Variants in CCDC141 observed in about 807,000 individuals in gnomAD.
CCDC141 encodes coiled-coil domain containing 141, also known as coiled-coil domain-containing protein 141.
CCDC141 carries 168 observed loss-of-function variants against 181.0 expected under a neutral mutation model. The observed-to-expected ratio is 0.93, with a 90% CI of 0.82 to 1.05. The LOEUF is 1.05. Among genes scored for constraint, CCDC141 ranks in the 50% least tolerant of loss-of-function variants. The pLI, the probability that CCDC141 is intolerant of heterozygous loss-of-function variation, is 0.00. For missense variants in CCDC141, 1,902 were observed against 1,788.5 expected, an observed-to-expected ratio of 1.06 and a Z score of -1.14; for synonymous variants, 666 against 642.3, an observed-to-expected ratio of 1.04 and a Z score of -0.56.
intron 2 of CCDC141, among the ~76,000 whole-genome samples, chr2:179,039,046 T>A (rs1458575814): frequency 6.6e-6 from 1 of 152,216 alleles, no homozygotes; most frequent in East Asian, 1.9e-4. Flanking sequence ...TTTACCTGGC[T>A]TAAATCTGCC....
At chr2:178,825,808 G>T (rs56988799), downstream of CCDC141, among the ~76,000 whole-genome samples, 23,981 of 152,046 alleles carry the variant, frequency 0.16, 3,614 homozygotes, top group East Asian at 0.71. Flanking sequence ...ACTTTTTCTT[G>T]AGTGCAGTTG....
At chr2:178,918,380 C>T (rs549125918) in intron 7 of CCDC141, among the ~76,000 whole-genome samples, 1 of 152,234 alleles carries the variant, frequency 6.6e-6, no homozygotes, top group Non-Finnish European at 1.5e-5. Context: ...TACACTCCAG[C>T]CAGGGTGACA....
intron 17 of CCDC141, among the ~76,000 whole-genome samples, chr2:178,859,374 C>A (rs1685508649): frequency 6.6e-6 from 1 of 152,132 alleles, no homozygotes; most frequent in Non-Finnish European, 1.5e-5. Flanking sequence ...TTTAAAGGAA[C>A]TGAGTGCCAT....
Position 178,918,776 on chromosome 2 carries a change from T to C in CCDC141, c.1029A>G (p.Gln343=), listed in dbSNP as rs778431634. ...ACCAGGTATTCCTTTCCACCATGAG[T>C]TGACCAAATTCTTCTTGAAGCTGAC... ...KLSQLQEEFG[Q]LMVERNTWLK... Residue 343 remains glutamine, a synonymous_variant, in exon 7 of 24, where the codon CAA becomes CAG. Coordinates refer to ENST00000443758, the MANE Select transcript of CCDC141 (RefSeq NM_173648.4). 25 of 1,550,446 alleles carry C rather than the reference T, an allele frequency of 1.6e-5. 1 individual carries two copies. Among genetic ancestry groups the C allele is most frequent in the South Asian group, 9.5e-5 (8 of 84,060 alleles).
chr2:178,869,333 C>G (rs1224181754), intron 14 of CCDC141, 28 bp from the exon 15 acceptor site: 7 of 1,543,722 alleles, frequency 4.5e-6, no homozygotes, highest in Non-Finnish European at 3.5e-6. Flanking sequence ...ATAAAAAAAT[C>G]TTGCTATTAA....
rs187796299 is a variant in CCDC141 at position 178,926,785 on chromosome 2, T to C, written c.898-7878A>G. 570 of 152,326 alleles carry C rather than the reference T, an allele frequency of 3.7e-3. 6 individuals are homozygous for C. The highest frequency in any genetic ancestry group is 0.013 in the African/African-American group (531 of 41,574). 9.4% of individuals were successfully genotyped at this position (152,326 alleles called of 1,614,324 possible). On this transcript the variant is annotated intron_variant, in intron 6 of 23. Transcript: ENST00000443758. ...TTTCAAATAGCTAGAAGAAAGGATA[T>C]TGGATGTTCCCAACACAGAGAAATG...
intron 5 of CCDC141, among the ~76,000 whole-genome samples, chr2:178,953,163 G>A (rs577085144): frequency 5.3e-5 from 8 of 152,318 alleles, no homozygotes; most frequent in Middle Eastern, 3.4e-3. Context: ...TCGGCTGGGC[G>A]TGGTGGCTCA....
rs149281824 is a variant in CCDC141, at chr2:179,009,093, G to A, written c.226-30418C>T. Among the ~76,000 whole-genome samples the A allele has an allele frequency of 3.2e-3, 483 of 152,222 alleles. 1 individual carries two copies. Among genetic ancestry groups the A allele is most frequent in the Non-Finnish European group, 5.1e-3 (346 of 68,004 alleles). Reference sequence around the variant, plus strand: ...ATGCTGTGCATGGGGTTGGTCCTGGGACCTTGATACATGCTTTTCCTGTTG... The same window carrying A: ...ATGCTGTGCATGGGGTTGGTCCTGGAACCTTGATACATGCTTTTCCTGTTG... On this transcript the variant is annotated intron_variant, in intron 2 of 23. Coordinates refer to ENST00000443758, the MANE Select transcript of CCDC141 (RefSeq NM_173648.4).
chr2:179,038,104 A>G (rs1451353450), intron 2 of CCDC141, among the ~76,000 whole-genome samples: 1 of 152,262 alleles, frequency 6.6e-6, no homozygotes, highest in Admixed American at 6.5e-5. Context: ...AAAAGTGGAA[A>G]CAACTCAAGT....
intron 3 of CCDC141, among the ~76,000 whole-genome samples, chr2:178,977,833 G>C (rs1022585385): frequency 1.3e-5 from 2 of 152,068 alleles, no homozygotes; most frequent in Non-Finnish European, 2.9e-5. Context: ...CACCTCTTTT[G>C]ATAATGTTCT....
chr2:178,837,072 G>A lies in CCDC141; in HGVS notation c.4147C>T (p.Gln1383Ter). Residue 1383 changes from glutamine (Q) to a stop codon, truncating the protein, a stop_gained, in exon 23 of 24, where the codon CAG (glutamine) becomes TAG (stop). Coordinates refer to ENST00000443758, the MANE Select transcript of CCDC141 (RefSeq NM_173648.4). LOFTEE classifies it high-confidence loss of function. ...TCTTCTCGAGGAACCATTTGCCTCT[G>A]ATAGCCCCTGCTGGTGCCTGATTGA... ...RFQSGTSRGYQRQMVPREEIK... is the reference protein window; with the variant it reads ...RFQSGTSRGY 6.2e-7 allele frequency: 1 copy of A among 1,613,996 alleles called. No individual in the cohort carries two copies. Among genetic ancestry groups the A allele is most frequent in the South Asian group, 1.1e-5 (1 of 91,072 alleles).
intron 1 of CCDC141, among the ~76,000 whole-genome samples, chr2:179,048,843 G>A (rs1351703726): frequency 6.6e-6 from 1 of 152,116 alleles, no homozygotes; most frequent in Non-Finnish European, 1.5e-5. Context: ...AGTATCAAGT[G>A]CTCTTTTCCT....
chr2:178,821,978 T>C, the CCDC141 span, among the ~76,000 whole-genome samples: 3 of 152,160 alleles, frequency 2.0e-5, no homozygotes, highest in African/African-American at 7.2e-5. Flanking sequence ...TGTGGCACTA[T>C]TCACAATAGC....
At chr2:178,901,601 G>A (rs572456138) in intron 8 of CCDC141, among the ~76,000 whole-genome samples, 37 of 152,144 alleles carry the variant, frequency 2.4e-4, no homozygotes, top group East Asian at 1.7e-3. Flanking sequence ...TTGATGGGAC[G>A]TATCTCAAAA....
intron 2 of CCDC141, among the ~76,000 whole-genome samples, chr2:178,985,834 C>A (rs1314210432): frequency 2.6e-5 from 4 of 152,050 alleles, no homozygotes; most frequent in African/African-American, 9.7e-5. Context: ...AATAGTGTAC[C>A]AACCAAAAAG....
chr2:178,968,961 G>A (rs1042796919), intron 4 of CCDC141, among the ~76,000 whole-genome samples: 1 of 151,998 alleles, frequency 6.6e-6, no homozygotes, highest in Non-Finnish European at 1.5e-5. Context: ...ACACCTCTAT[G>A]CAAATAAACT....
At chr2:178,981,654 A>ATATG (rs1331912335) in intron 2 of CCDC141, among the ~76,000 whole-genome samples, 4 of 138,394 alleles carry the variant, frequency 2.9e-5, no homozygotes, top group Admixed American at 7.4e-5. Context: ...ATATATATAT[A>ATATG]TATACATACA....
chr2:179,047,800 G>T (rs2043548393), intron 1 of CCDC141, among the ~76,000 whole-genome samples: 1 of 152,162 alleles, frequency 6.6e-6, no homozygotes, highest in Non-Finnish European at 1.5e-5. Context: ...AATTCCACTT[G>T]GGCAGGTAGG....
At chr2:178,917,018 C>A (rs889147595) in intron 7 of CCDC141, among the ~76,000 whole-genome samples, 1 of 150,510 alleles carries the variant, frequency 6.6e-6, no homozygotes, top group East Asian at 1.9e-4. Flanking sequence ...CAGCAAAGTA[C>A]AAAATAATGA....
Sources: gnomAD v4.1 joint callset for allele counts (sites outside exome capture counted in the v4.1 genomes callset) on GRCh38, gnomAD v4.1.1 for gene constraint, MANE v1.5 for transcripts, NCBI Gene and HGNC (gene_info 2026-07-23, HGNC 2026-07-21) for gene names.